The following CCSER1 variants were observed in gnomAD, a reference collection of about 807,000 sequenced individuals.
The protein encoded by CCSER1 is coiled-coil serine rich protein 1, also known as serine-rich coiled-coil domain-containing protein 1.
Under a neutral mutation model 82.0 loss-of-function variants are expected in CCSER1, and 41 were observed. That is an observed-to-expected ratio of 0.50 (90% confidence interval 0.39 to 0.65). The LOEUF is 0.65. Ranked by LOEUF, CCSER1 falls within the 30% of genes least tolerant of loss-of-function variation. The pLI is 0.00. For synonymous variants in CCSER1, 414 were observed against 383.9 expected, an observed-to-expected ratio of 1.08 and a Z score of -0.92; for missense variants, 1,119 against 1,064.2, an observed-to-expected ratio of 1.05 and a Z score of -0.72.
At chr4:90,191,643 G>A (rs1010789364) in intron 1 of CCSER1, among the ~76,000 whole-genome samples, 2 of 152,014 alleles carry the variant, frequency 1.3e-5, no homozygotes, top group Non-Finnish European at 2.9e-5. Flanking sequence ...AGGAGAAGGA[G>A]CTGTGAGGAG....
At chr4:91,357,853 C>T (rs1248090562) in intron 10 of CCSER1, among the ~76,000 whole-genome samples, 3 of 141,132 alleles carry the variant, frequency 2.1e-5, no homozygotes, top group Non-Finnish European at 3.1e-5. Context: ...CCATATAACA[C>T]TCTTTTTACC....
At chr4:91,283,621 C>G (rs1468463698) in intron 10 of CCSER1, among the ~76,000 whole-genome samples, 2 of 151,870 alleles carry the variant, frequency 1.3e-5, no homozygotes, top group Admixed American at 1.3e-4. Flanking sequence ...ATATTTTTTA[C>G]TTAATTTCCT....
chr4:90,493,953 A>G (rs571042200), intron 5 of CCSER1, among the ~76,000 whole-genome samples: 1 of 152,348 alleles, frequency 6.6e-6, no homozygotes, highest in East Asian at 1.9e-4. Flanking sequence ...AAATGCTCCA[A>G]TTAAAAGACA....
At chr4:90,643,629 G>A (rs998979505) in intron 6 of CCSER1, among the ~76,000 whole-genome samples, 23 of 152,178 alleles carry the variant, frequency 1.5e-4, no homozygotes, top group East Asian at 1.4e-3. Flanking sequence ...TGCTCAATAC[G>A]TATTAGATAT....
chr4:90,595,759 T>G (rs961359885), intron 5 of CCSER1, among the ~76,000 whole-genome samples: 2 of 151,898 alleles, frequency 1.3e-5, no homozygotes, highest in Non-Finnish European at 1.5e-5. Context: ...ACCTAGGTGT[T>G]TTCTCCTTAA....
At chr4:91,530,980 C>A (rs1391598403) in intron 10 of CCSER1, among the ~76,000 whole-genome samples, 1 of 151,916 alleles carries the variant, frequency 6.6e-6, no homozygotes, top group Admixed American at 6.6e-5. Flanking sequence ...AGCCACTGCA[C>A]CCGGCAAAAA....
At chr4:91,197,259 C>T (rs532380317) in intron 10 of CCSER1, among the ~76,000 whole-genome samples, 2 of 152,162 alleles carry the variant, frequency 1.3e-5, no homozygotes, top group South Asian at 2.1e-4. Context: ...CCATATAAGG[C>T]TTTTCTCAAT....
intron 10 of CCSER1, among the ~76,000 whole-genome samples, chr4:91,502,829 A>G (rs1759282603): frequency 6.6e-6 from 1 of 152,206 alleles, no homozygotes; most frequent in Non-Finnish European, 1.5e-5. Flanking sequence ...TAGGAGTTTA[A>G]TAAGTATTTG....
intron 8 of CCSER1, among the ~76,000 whole-genome samples, chr4:90,860,242 C>T (rs1427242241): frequency 1.3e-5 from 2 of 151,518 alleles, no homozygotes; most frequent in African/African-American, 4.8e-5. Flanking sequence ...CCAATAAGCA[C>T]ATGAAAAATG....
intron 3 of CCSER1, among the ~76,000 whole-genome samples, chr4:90,363,651 C>T (rs1414690662): frequency 2.0e-5 from 3 of 151,992 alleles, no homozygotes; most frequent in Admixed American, 1.3e-4. Context: ...CATGTACCTT[C>T]CAAAGAAGCT....
intron 10 of CCSER1, among the ~76,000 whole-genome samples, chr4:91,410,315 A>ATT (rs372876272): frequency 9.9e-5 from 15 of 151,370 alleles, no homozygotes; most frequent in African/African-American, 1.7e-4. Context: ...TCTTTCCATC[A>ATT]TTTTTTTTTA....
At chr4:90,365,948 T>C (rs980370295) in intron 3 of CCSER1, among the ~76,000 whole-genome samples, 1 of 151,856 alleles carries the variant, frequency 6.6e-6, no homozygotes, top group Non-Finnish European at 1.5e-5. Flanking sequence ...TAACAGTTTC[T>C]TGCATACTAC....
chr4:91,308,035 C>G (rs892481994), intron 10 of CCSER1, among the ~76,000 whole-genome samples: 1 of 151,894 alleles, frequency 6.6e-6, no homozygotes. Flanking sequence ...TATTAGTTCC[C>G]TTCACTGCTA....
At chr4:90,401,029 T>C (rs1251026153) in intron 4 of CCSER1, among the ~76,000 whole-genome samples, 1 of 152,176 alleles carries the variant, frequency 6.6e-6, no homozygotes, top group Non-Finnish European at 1.5e-5. Flanking sequence ...GTTGTAAAAC[T>C]TTATGATGAA....
intron 10 of CCSER1, among the ~76,000 whole-genome samples, chr4:91,569,817 T>G (rs1045502110): frequency 2.6e-5 from 4 of 152,116 alleles, no homozygotes; most frequent in Non-Finnish European, 4.4e-5. Flanking sequence ...AAATATCATG[T>G]CCTCACATTT....
At chr4:90,309,885 T>C (rs1734996408) in intron 2 of CCSER1, among the ~76,000 whole-genome samples, 2 of 152,146 alleles carry the variant, frequency 1.3e-5, no homozygotes, top group East Asian at 1.9e-4. Context: ...ACGGTGTTTA[T>C]TGGAGCACCT....
intron 5 of CCSER1, among the ~76,000 whole-genome samples, chr4:90,485,525 C>CG (rs1202535506): frequency 6.6e-6 from 1 of 151,018 alleles, no homozygotes; most frequent in African/African-American, 2.4e-5. Flanking sequence ...TCCACCCCCC[C>CG]CCCCCAATTT....
chr4:90,882,890 G>A (rs1226264339), intron 8 of CCSER1, among the ~76,000 whole-genome samples: 1 of 151,980 alleles, frequency 6.6e-6, no homozygotes, highest in African/African-American at 2.4e-5. Context: ...ATAGTAGGCA[G>A]TATTTATCAA....
intron 5 of CCSER1, among the ~76,000 whole-genome samples, chr4:90,494,507 AT>A (rs1768658808): frequency 6.6e-6 from 1 of 152,184 alleles, no homozygotes; most frequent in African/African-American, 2.4e-5. Context: ...CTGACTACAT[AT>A]TTGGAAGTAA....
Sources: gnomAD v4.1 joint callset for allele counts (sites outside exome capture counted in the v4.1 genomes callset) on GRCh38, gnomAD v4.1.1 for gene constraint, MANE v1.5 for transcripts, NCBI Gene and HGNC (gene_info 2026-07-23, HGNC 2026-07-21) for gene names.